Variants in CEP63 observed in about 807,000 individuals in gnomAD.
The protein encoded by CEP63 is centrosomal protein 63.
Under a neutral mutation model 89.1 loss-of-function variants are expected in CEP63, and 84 were observed. The ratio of observed to expected loss-of-function variants is 0.94; its 90% CI spans 0.79 to 1.13. The LOEUF is 1.13. CEP63 is among the 50% of genes most tolerant of loss of function. The pLI is 0.00. For missense variants in CEP63, 838 were observed against 813.3 expected (o/e 1.03, Z -0.37); for synonymous variants, 267 against 272.5 (o/e 0.98, Z 0.20).
intron 2 of CEP63, among the ~76,000 whole-genome samples, chr3:134,502,519 G>A (rs1249410650): frequency 6.6e-6 from 1 of 151,998 alleles, no homozygotes; most frequent in African/African-American, 2.4e-5. Flanking sequence ...ATCTATCGAG[G>A]ATTTCTCTTT....
At chr3:134,739,776 TGTG>T in the CEP63 span, among the ~76,000 whole-genome samples, 3 of 151,430 alleles carry the variant, frequency 2.0e-5, no homozygotes, top group African/African-American at 7.3e-5. Context: ...AAATCCAGGT[TGTG>T]GTTATAGGGG....
chr3:134,522,893 A>G (rs979416701), intron 3 of CEP63, among the ~76,000 whole-genome samples: 2 of 152,036 alleles, frequency 1.3e-5, no homozygotes, highest in Admixed American at 1.3e-4. Flanking sequence ...TGATGGAACG[A>G]TTTACATTTT....
chr3:134,575,215 C>T (rs60571957), downstream of CEP63, among the ~76,000 whole-genome samples: 33,168 of 58,890 alleles, frequency 0.56, 5,879 homozygotes, highest in Non-Finnish European at 0.58. Flanking sequence ...CCCTCCCTCC[C>T]TCCCTCCCTC....
At chr3:134,604,060 G>A in the CEP63 span, 1 of 1,613,940 alleles carries the variant, frequency 6.2e-7, no homozygotes, top group Non-Finnish European at 8.5e-7. Context: ...CTCAGTGATG[G>A]GGCCATCATC....
At chr3:134,735,353 C>A in the CEP63 span, among the ~76,000 whole-genome samples, 2 of 152,052 alleles carry the variant, frequency 1.3e-5, no homozygotes, top group Non-Finnish European at 2.9e-5. Flanking sequence ...CAACTCATGC[C>A]TGAATGAAAC....
the CEP63 span, among the ~76,000 whole-genome samples, chr3:134,777,788 A>AT: frequency 1.3e-5 from 2 of 150,994 alleles, no homozygotes; most frequent in Admixed American, 6.6e-5. Context: ...TATTTTTTGA[A>AT]TTTTTTTAGT....
chr3:134,544,499 G>T (rs1449452870), intron 6 of CEP63, among the ~76,000 whole-genome samples: 1 of 151,974 alleles, frequency 6.6e-6, no homozygotes, highest in African/African-American at 2.4e-5. Flanking sequence ...TCCCTTATAA[G>T]CACCTTTTCC....
the CEP63 span, among the ~76,000 whole-genome samples, chr3:134,738,616 G>A: frequency 4.2e-4 from 64 of 152,054 alleles, 1 homozygote; most frequent in South Asian, 0.013. Context: ...GGGGACTTGG[G>A]GGGACAAATG....
intron 4 of CEP63, among the ~76,000 whole-genome samples, chr3:134,532,461 A>G (rs1447910403): frequency 6.6e-6 from 1 of 152,184 alleles, no homozygotes. Context: ...AGAATCACAG[A>G]CCTAGAGGAA....
chr3:134,758,998 A>G, the CEP63 span, among the ~76,000 whole-genome samples: 2 of 152,212 alleles, frequency 1.3e-5, no homozygotes, highest in African/African-American at 2.4e-5. Flanking sequence ...GGAAGGTCAG[A>G]CAGAAAAGAT....
At chr3:134,498,963 A>G (rs1020323941) in intron 2 of CEP63, among the ~76,000 whole-genome samples, 13 of 152,048 alleles carry the variant, frequency 8.5e-5, no homozygotes, top group African/African-American at 3.1e-4. Flanking sequence ...AGATTTTTGC[A>G]TCTGTGTTCA....
intron 3 of CEP63, among the ~76,000 whole-genome samples, chr3:134,518,657 A>G (rs529980031): frequency 5.9e-5 from 9 of 152,148 alleles, no homozygotes; most frequent in South Asian, 2.1e-4. Flanking sequence ...AATGTTAGCT[A>G]TGTGTGTATA....
At chr3:134,734,201 T>C in the CEP63 span, among the ~76,000 whole-genome samples, 3,240 of 152,328 alleles carry the variant, frequency 0.021, 113 homozygotes, top group African/African-American at 0.074. Flanking sequence ...TTGTTTATAA[T>C]AGCTGAAACC....
chr3:134,719,712 A>G, the CEP63 span, among the ~76,000 whole-genome samples: 2 of 152,222 alleles, frequency 1.3e-5, no homozygotes, highest in Admixed American at 1.3e-4. Flanking sequence ...CATTTCATAG[A>G]AATGGAATCA....
At chr3:134,540,271 T>G (rs1443303937) in intron 6 of CEP63, among the ~76,000 whole-genome samples, 3 of 152,220 alleles carry the variant, frequency 2.0e-5, no homozygotes, top group Non-Finnish European at 4.4e-5. Context: ...GTAGTCATAA[T>G]GATTGTGTAG....
At chr3:134,673,507 C>T in the CEP63 span, among the ~76,000 whole-genome samples, 107 of 152,298 alleles carry the variant, frequency 7.0e-4, no homozygotes, top group African/African-American at 2.1e-3. Context: ...CTGCCACACA[C>T]GCCTGACAAA....
chr3:134,552,645 G>GTATTAT (rs138436362), intron 12 of CEP63: 2 of 151,106 alleles, frequency 1.3e-5, no homozygotes, highest in African/African-American at 2.4e-5. Flanking sequence ...CTAGATGGTG[G>GTATTAT]TATTATTATT....
chr3:134,605,835 G>C, the CEP63 span, among the ~76,000 whole-genome samples: 1 of 151,978 alleles, frequency 6.6e-6, no homozygotes, highest in Admixed American at 6.6e-5. Flanking sequence ...CCCTCTTTGC[G>C]ACCCCCACTC....
chr3:134,781,495 C>T, the CEP63 span, among the ~76,000 whole-genome samples: 7 of 152,160 alleles, frequency 4.6e-5, no homozygotes, highest in African/African-American at 1.7e-4. Context: ...ACACTGGGGA[C>T]GGCTTCAGTG....
Sources: allele counts gnomAD v4.1 joint callset (sites outside exome capture counted in the v4.1 genomes callset), GRCh38; gene constraint gnomAD v4.1.1; transcripts MANE v1.5; gene names NCBI Gene and HGNC (gene_info 2026-07-23, HGNC 2026-07-21).